The following PTPRD variants were observed in gnomAD, a reference collection of about 807,000 sequenced individuals.
PTPRD encodes the protein protein tyrosine phosphatase receptor type D.
In PTPRD, 34 loss-of-function variants were observed where a neutral mutation model predicts 214.5. The ratio of observed to expected loss-of-function variants is 0.16; its 90% CI spans 0.12 to 0.21. The LOEUF is 0.21. Among genes scored for constraint, PTPRD ranks in the 10% least tolerant of loss-of-function variants. The pLI is 1.00. For synonymous variants in PTPRD, 1,128 were observed against 845.7 expected (o/e 1.33, Z -5.79); for missense variants, 2,545 against 2,398.7 (o/e 1.06, Z -1.27).
At chr9:9,786,227 T>C (rs1285603866) in intron 5 of PTPRD, among the ~76,000 whole-genome samples, 5 of 141,486 alleles carry the variant, frequency 3.5e-5, no homozygotes, top group Non-Finnish European at 7.6e-5. Context: ...TGATTACATT[T>C]ACCTGCATAA....
intron 2 of PTPRD, among the ~76,000 whole-genome samples, chr9:10,546,198 GTATT>G (rs1337642155): frequency 6.8e-6 from 1 of 147,692 alleles, no homozygotes; most frequent in Non-Finnish European, 1.5e-5. Context: ...ACATGTGCAT[GTATT>G]TATTTTTTTT....
intron 11 of PTPRD, among the ~76,000 whole-genome samples, chr9:8,958,166 G>C (rs2099141389): frequency 6.6e-6 from 1 of 151,790 alleles, no homozygotes; most frequent in African/African-American, 2.4e-5. Flanking sequence ...TATGAGACGG[G>C]TGCCAGAATT....
intron 8 of PTPRD, among the ~76,000 whole-genome samples, chr9:9,413,989 T>C (rs2076278057): frequency 5.9e-5 from 9 of 152,206 alleles, no homozygotes; most frequent in Admixed American, 5.9e-4. Flanking sequence ...AGTAGAATTT[T>C]CCCTTGCAAC....
chr9:10,306,278 G>T lies in PTPRD; in HGVS notation c.-545+34685C>A, dbSNP rs529414627. The stretch of plus-strand genomic sequence containing the variant: ...CACATGCTGGGGCCTGTCGTGGGGT[G>T]GGGGGGGCTAGGGGAGGGATAGCAT... On this transcript the variant is annotated intron_variant, in intron 3 of 45. Transcript: ENST00000381196. Among the ~76,000 whole-genome samples the T allele has an allele frequency of 1.2e-3, 163 of 137,532 alleles. 2 individuals are homozygous for T. In the South Asian group the frequency reaches 0.03, roughly 25 times the overall value. The allele number at this position is 137,532 out of a possible 152,430, so 90.2% of individuals were successfully genotyped here.
chr9:9,093,084 T>C (rs1015142708), intron 10 of PTPRD, among the ~76,000 whole-genome samples: 4 of 151,958 alleles, frequency 2.6e-5, no homozygotes, highest in African/African-American at 7.2e-5. Flanking sequence ...AACAGGGATA[T>C]GGAGGGACAT....
At chr9:8,742,498 C>G (rs7867339) in intron 11 of PTPRD, among the ~76,000 whole-genome samples, 1 of 151,970 alleles carries the variant, frequency 6.6e-6, no homozygotes, top group Non-Finnish European at 1.5e-5. Flanking sequence ...TGCAAAATAT[C>G]TGTAAAATAC....
At chr9:10,394,957 C>CTTT (rs34786789) in intron 2 of PTPRD, among the ~76,000 whole-genome samples, 7 of 133,194 alleles carry the variant, frequency 5.3e-5, no homozygotes, top group African/African-American at 1.4e-4. Flanking sequence ...TTTTCTTTTT[C>CTTT]TTTTTTTTTT....
intron 8 of PTPRD, among the ~76,000 whole-genome samples, chr9:9,401,417 A>G (rs535700345): frequency 1.3e-5 from 2 of 152,070 alleles, no homozygotes; most frequent in South Asian, 2.1e-4. Context: ...TATTTCTCAT[A>G]TCAGTCAGGA....
At chr9:10,440,345 G>A (rs886756234) in intron 2 of PTPRD, among the ~76,000 whole-genome samples, 1 of 151,698 alleles carries the variant, frequency 6.6e-6, no homozygotes, top group African/African-American at 2.4e-5. Context: ...TTTTTAAAAA[G>A]AGCTTCTTCA....
intron 2 of PTPRD, among the ~76,000 whole-genome samples, chr9:10,514,314 A>T (rs1323943890): frequency 6.6e-6 from 1 of 151,764 alleles, no homozygotes; most frequent in Non-Finnish European, 1.5e-5. Flanking sequence ...GAGCAAAATC[A>T]AAATTTTAAG....
At chr9:9,333,339 T>G (rs1461927745) in intron 9 of PTPRD, among the ~76,000 whole-genome samples, 1 of 150,918 alleles carries the variant, frequency 6.6e-6, no homozygotes, top group East Asian at 1.9e-4. Context: ...GAGCAAAGAA[T>G]GCAAACAGGC....
intron 32 of PTPRD, among the ~76,000 whole-genome samples, chr9:8,464,434 T>G (rs1483684518): frequency 6.6e-6 from 1 of 151,966 alleles, no homozygotes; most frequent in Non-Finnish European, 1.5e-5. Context: ...AGCACAAAGG[T>G]AAACCAGGCA....
At chr9:8,692,554 A>G (rs906099127) in intron 12 of PTPRD, among the ~76,000 whole-genome samples, 1 of 152,218 alleles carries the variant, frequency 6.6e-6, no homozygotes, top group South Asian at 2.1e-4. Context: ...GTATTAGTGA[A>G]CACTAGCAAT....
chr9:8,640,087 T>C (rs2096539887), intron 12 of PTPRD, among the ~76,000 whole-genome samples: 1 of 152,092 alleles, frequency 6.6e-6, no homozygotes, highest in Non-Finnish European at 1.5e-5. Flanking sequence ...CACACCACCA[T>C]GCCTGGGTAA....
chr9:9,380,050 G>C (rs931505970), intron 9 of PTPRD, among the ~76,000 whole-genome samples: 1 of 151,844 alleles, frequency 6.6e-6, no homozygotes, highest in Non-Finnish European at 1.5e-5. Flanking sequence ...TTCAAATGTG[G>C]TGTTTAAAGG....
intron 12 of PTPRD, among the ~76,000 whole-genome samples, chr9:8,724,709 G>A (rs2098539004): frequency 6.6e-6 from 1 of 152,018 alleles, no homozygotes; most frequent in African/African-American, 2.4e-5. Flanking sequence ...CAAGGTGGGT[G>A]GAGAGCTTGA....
rs140271969 is a variant in PTPRD at position 9,846,570 on chromosome 9, C to G, written c.-367-79719G>C. Among the ~76,000 whole-genome samples the G allele has an allele frequency of 7.5e-4, 114 of 152,226 alleles. 2 individuals carry two copies. Among genetic ancestry groups the G allele is most frequent in the African/African-American group, 2.6e-3 (110 of 41,540 alleles). On this transcript the variant is annotated intron_variant, in intron 5 of 45. Coordinates refer to ENST00000381196, the MANE Select transcript of PTPRD (RefSeq NM_002839.4). ...CATATAGCAATCATGGGTATCAAAA[C>G]ATGGTGTACATAAAGAGTTACCAGA...
chr9:9,842,298 ATTTTTTTTTTTT>A (rs138386194), intron 5 of PTPRD, among the ~76,000 whole-genome samples: 5 of 91,400 alleles, frequency 5.5e-5, no homozygotes, highest in Non-Finnish European at 8.1e-5. Context: ...GAAGGAGAGC[ATTTTTTTTTTTT>A]TTTTTTTTTT....
intron 2 of PTPRD, among the ~76,000 whole-genome samples, chr9:10,602,976 G>A (rs2078360652): frequency 1.3e-5 from 2 of 151,850 alleles, no homozygotes; most frequent in Middle Eastern, 6.8e-3. Flanking sequence ...CTCATATGAG[G>A]TGAACTAACT....
Sources: gnomAD v4.1 joint callset for allele counts (sites outside exome capture counted in the v4.1 genomes callset) on GRCh38, gnomAD v4.1.1 for gene constraint, MANE v1.5 for transcripts, NCBI Gene and HGNC (gene_info 2026-07-23, HGNC 2026-07-21) for gene names.